DNAH14: variants seen among roughly 807,000 people sequenced by gnomAD.
DNAH14 encodes dynein axonemal heavy chain 14.
In DNAH14, 478 loss-of-function variants were observed where a neutral mutation model predicts 520.9. The observed-to-expected ratio is 0.92, with a 90% CI of 0.85 to 0.99. The LOEUF (loss-of-function observed/expected upper bound fraction) is 0.99, where lower values mean the gene tolerates loss of function less well. Ranked by LOEUF, DNAH14 falls within the 50% of genes least tolerant of loss-of-function variation. The pLI is 0.00. For missense variants in DNAH14, 4,831 were observed against 5,234.5 expected (o/e 0.92, Z 2.38); for synonymous variants, 1,581 against 1,757.2 (o/e 0.90, Z 2.51).
At chr1:225,144,649 G>A (rs886319142) in intron 29 of DNAH14, 21 bp downstream of exon 29, 11 of 1,518,010 alleles carry the variant, frequency 7.2e-6, no homozygotes, top group Non-Finnish European at 9.7e-6. Flanking sequence ...TCTGTATCCA[G>A]AATAAAAACT....
chr1:225,304,022 A>G lies in DNAH14; in HGVS notation c.8823+675A>G, dbSNP rs7548769. ...CAGAGTAGAACCAGAAGAAAAAAAA[A>G]TGCCGCTGAGTTAAAAGTGACCAGT... On this transcript the variant is annotated intron_variant, in intron 57 of 85. Coordinates refer to ENST00000682510, the MANE Select transcript of DNAH14 (RefSeq NM_001367479.1). Among the ~76,000 whole-genome samples, 761 of 152,214 alleles carry G rather than the reference A, an allele frequency of 5.0e-3. 6 individuals carry two copies. The highest frequency in any genetic ancestry group is 0.017 in the African/African-American group (718 of 41,512).
intron 21 of DNAH14, among the ~76,000 whole-genome samples, chr1:225,090,118 T>C (rs1214868276): frequency 6.6e-6 from 1 of 152,196 alleles, no homozygotes; most frequent in Non-Finnish European, 1.5e-5. Flanking sequence ...GATACATGAT[T>C]AGTATACAAA....
intron 50 of DNAH14, 107 bp downstream of exon 50, chr1:225,270,973 A>C (rs954896450): frequency 8.6e-7 from 1 of 1,167,276 alleles, no homozygotes; most frequent in Non-Finnish European, 1.2e-6. Flanking sequence ...CTTTAAGGGG[A>C]TAGATTTTAT....
At chr1:225,146,766 C>G (rs2079984119) in intron 30 of DNAH14, among the ~76,000 whole-genome samples, 1 of 152,222 alleles carries the variant, frequency 6.6e-6, no homozygotes. Context: ...GACTCTGCCC[C>G]AGGGTGCAGC....
At chr1:225,383,338 G>C (rs2095802448) in intron 81 of DNAH14, among the ~76,000 whole-genome samples, 1 of 152,166 alleles carries the variant, frequency 6.6e-6, no homozygotes, top group Non-Finnish European at 1.5e-5. Context: ...CCGAATCACA[G>C]GACTTCAGAG....
chr1:225,327,640 C>A (rs1336536364), intron 64 of DNAH14, among the ~76,000 whole-genome samples: 2 of 151,886 alleles, frequency 1.3e-5, no homozygotes, highest in African/African-American at 2.4e-5. Flanking sequence ...AAATCAGTAA[C>A]CTAACTTCAC....
intron 23 of DNAH14, among the ~76,000 whole-genome samples, chr1:225,108,579 G>C (rs979270597): frequency 6.6e-6 from 1 of 152,108 alleles, no homozygotes; most frequent in African/African-American, 2.4e-5. Flanking sequence ...CTATAGAGCT[G>C]TTTGAACTCC....
chr1:225,355,811 C>G (rs578242758), intron 73 of DNAH14, among the ~76,000 whole-genome samples: 2 of 152,270 alleles, frequency 1.3e-5, no homozygotes, highest in African/African-American at 4.8e-5. Flanking sequence ...AGTATATCCA[C>G]AATGTTGTGT....
chr1:225,337,638 C>G (rs563030850), intron 67 of DNAH14, 142 bp downstream of exon 67: 8 of 668,554 alleles, frequency 1.2e-5, no homozygotes, highest in African/African-American at 7.3e-5. Flanking sequence ...TACTTACAGA[C>G]AGAGAGTGAG....
chr1:225,032,727 A>G (rs548788410), intron 11 of DNAH14, among the ~76,000 whole-genome samples: 169 of 152,254 alleles, frequency 1.1e-3, no homozygotes, highest in African/African-American at 3.8e-3. Flanking sequence ...TTTTCTCCGC[A>G]ACCTCACCAG....
intron 47 of DNAH14, among the ~76,000 whole-genome samples, chr1:225,264,697 T>C (rs2093053052): frequency 6.6e-6 from 1 of 152,094 alleles, no homozygotes; most frequent in Admixed American, 6.6e-5. Context: ...ACTCTCTAGT[T>C]TTGGGAACAG....
At chr1:225,124,539 C>T (rs979711192) in intron 27 of DNAH14, among the ~76,000 whole-genome samples, 5 of 152,238 alleles carry the variant, frequency 3.3e-5, no homozygotes, top group Admixed American at 1.3e-4. Context: ...CCATAAGAGG[C>T]AACTTGTCTT....
Position 225,144,570 on chromosome 1 carries a change from G to T in DNAH14, c.4682G>T (p.Gly1561Val), listed in dbSNP as rs2079750047. ...GAAGCACTACACTTGAATCTAGGAG[G>T]CTGTCCTGCCGGTCCAGCTGGTACA... ...LMEALHLNLG[G>V]CPAGPAGTGK... Residue 1561 changes from glycine (G) to valine (V), a missense_variant, in exon 29 of 86, where the codon GGC becomes GTC. Gly to Val is a moderately radical substitution (Grantham distance 109, BLOSUM62 -3). Coordinates refer to ENST00000682510, the MANE Select transcript of DNAH14 (RefSeq NM_001367479.1). 1 of 1,551,432 alleles carries T rather than the reference G, an allele frequency of 6.4e-7. No homozygotes were observed. The highest frequency in any genetic ancestry group is 2.0e-5 in the Admixed American group (1 of 50,962).
At chr1:225,352,840 C>T (rs191724019) in intron 72 of DNAH14, among the ~76,000 whole-genome samples, 167 of 152,034 alleles carry the variant, frequency 1.1e-3, no homozygotes, top group African/African-American at 3.9e-3. Flanking sequence ...TTCTTGATTT[C>T]AAGTTCTTAT....
intron 54 of DNAH14, among the ~76,000 whole-genome samples, chr1:225,281,696 G>A (rs1264174250): frequency 6.6e-6 from 1 of 151,986 alleles, no homozygotes; most frequent in African/African-American, 2.4e-5. Flanking sequence ...TGTAATATAT[G>A]TAACAATGAA....
At position 225,300,852 on chromosome 1, in the gene DNAH14, T is replaced by C; in HGVS notation, c.8470-17T>C. On this transcript the variant is annotated splice_polypyrimidine_tract_variant and intron_variant, in intron 55 of 85. Transcript: ENST00000682510. Reference sequence around the variant, plus strand: ...GAATAATTTACTCTTCCTCATTAAATATGTGTTTTGCCTAAGGACTCATTT... The same window carrying C: ...GAATAATTTACTCTTCCTCATTAAACATGTGTTTTGCCTAAGGACTCATTT... 1 of 1,548,726 alleles carries C rather than the reference T, an allele frequency of 6.5e-7. No homozygotes were observed. Among genetic ancestry groups the C allele is most frequent in the Non-Finnish European group, 8.7e-7 (1 of 1,145,340 alleles).
intron 36 of DNAH14, among the ~76,000 whole-genome samples, chr1:225,181,127 C>A (rs116420865): frequency 1.1e-3 from 171 of 152,296 alleles, no homozygotes; most frequent in African/African-American, 4.0e-3. Context: ...TAGCCTCCAT[C>A]TGCATCCATG....
At chr1:225,090,463 A>G (rs1297784888) in intron 21 of DNAH14, among the ~76,000 whole-genome samples, 1 of 152,192 alleles carries the variant, frequency 6.6e-6, no homozygotes, top group Non-Finnish European at 1.5e-5. Flanking sequence ...AAGTTGGAGC[A>G]TTAAAACTAC....
intron 31 of DNAH14, among the ~76,000 whole-genome samples, chr1:225,150,941 C>T (rs78134977): frequency 6.6e-6 from 1 of 151,974 alleles, no homozygotes; most frequent in Non-Finnish European, 1.5e-5. Context: ...AAAATCTTGA[C>T]CTCAGTGTGA....
Sources: gnomAD v4.1 joint callset for allele counts (sites outside exome capture counted in the v4.1 genomes callset) on GRCh38, gnomAD v4.1.1 for gene constraint, MANE v1.5 for transcripts, NCBI Gene and HGNC (gene_info 2026-07-23, HGNC 2026-07-21) for gene names.